Variants in CSGALNACT2 observed in about 807,000 individuals in gnomAD.
The protein encoded by CSGALNACT2 is beta 4 GalNAcT-2.
A neutral mutation model predicts 55.3 loss-of-function variants in CSGALNACT2; 35 were observed. That is an observed-to-expected ratio of 0.63 (90% CI 0.48 to 0.84). CSGALNACT2 has a LOEUF of 0.84. Among genes scored for constraint, CSGALNACT2 ranks in the 40% least tolerant of loss-of-function variants. The probability of loss-of-function intolerance (pLI) is 0.00; values close to 1 mark genes in which losing one functional copy is unlikely to be tolerated. For synonymous variants in CSGALNACT2, 196 were observed against 224.9 expected (o/e 0.87, Z 1.15); for missense variants, 544 against 657.5 (o/e 0.83, Z 1.89).
At chr10:43,145,594 A>T (rs1260309541) in intron 1 of CSGALNACT2, among the ~76,000 whole-genome samples, 1 of 151,672 alleles carries the variant, frequency 6.6e-6, no homozygotes, top group Non-Finnish European at 1.5e-5. Flanking sequence ...TTTCTTATAG[A>T]GGCAAGGTCT....
intron 2 of CSGALNACT2, among the ~76,000 whole-genome samples, chr10:43,157,580 T>C (rs1243642611): frequency 2.0e-5 from 3 of 152,176 alleles, no homozygotes; most frequent in Non-Finnish European, 4.4e-5. Flanking sequence ...GTATGTGGCA[T>C]TGCCCATTTC....
rs761018259 is a variant in CSGALNACT2 at position 43,176,004 on chromosome 10, T to G, written c.1308T>G (p.Cys436Trp). Residue 436 changes from cysteine to tryptophan, a missense_variant, in exon 7 of 8, where the codon TGT becomes TGG. Cys to Trp is a radical substitution (Grantham distance 215, BLOSUM62 -2). This residue lies in a region of CSGALNACT2 where 170 missense variants were observed against 256.2 expected (regional missense o/e 0.66). Coordinates refer to ENST00000374466, the MANE Select transcript of CSGALNACT2 (RefSeq NM_018590.5). ...FWRDFGFGMTCQYRSDFLTIG... is the reference protein window; with the variant it reads ...FWRDFGFGMTWQYRSDFLTIG... ...GAGATTTTGGCTTTGGAATGACTTG[T>G]CAGTATCGTTCAGATTTCCTGACCA... 6.2e-7 allele frequency: 1 copy of G among 1,610,872 alleles called. No homozygotes were observed. The highest frequency in any genetic ancestry group is 2.2e-5 in the East Asian group (1 of 44,802).
intron 6 of CSGALNACT2, among the ~76,000 whole-genome samples, chr10:43,171,998 A>C (rs1839391560): frequency 1.3e-5 from 2 of 152,212 alleles, no homozygotes; most frequent in African/African-American, 4.8e-5. Flanking sequence ...CTGCTTTTAA[A>C]AAGCAAAGCC....
At chr10:43,149,320 C>T (rs188594010) in intron 1 of CSGALNACT2, among the ~76,000 whole-genome samples, 25 of 152,244 alleles carry the variant, frequency 1.6e-4, no homozygotes, top group Admixed American at 1.2e-3. Flanking sequence ...CTCCTGACCT[C>T]GTGGGATCTG....
In CSGALNACT2 at chr10:43,155,256, C is replaced by T. The variant is rs1183173383; in HGVS notation, c.107C>T (p.Pro36Leu). The T allele has an allele frequency of 1.9e-6, 3 of 1,613,954 alleles. No individual in the cohort carries two copies. The highest frequency in any genetic ancestry group is 1.7e-5 in the Admixed American group (1 of 59,998). ...TTTATGTACCTCCTGGAATGTGCCC[C>T]CCAGACTGATGGAAATGCATCTCTT... ...VLFMYLLECA[P>L]QTDGNASLPG... The change falls in exon 2 of 8, where the codon CCC becomes CTC. Residue 36 changes from proline to leucine, a missense_variant. Pro to Leu is a moderately conservative substitution (Grantham distance 98). Transcript: ENST00000374466.
chr10:43,183,045 AACCTTG>A (rs1839620825), intron 7 of CSGALNACT2, among the ~76,000 whole-genome samples, 199 bp from the exon 8 acceptor site: 1 of 152,180 alleles, frequency 6.6e-6, no homozygotes, highest in African/African-American at 2.4e-5. Flanking sequence ...GTCAACAACC[AACCTTG>A]AGCTCCTTGA....
At chr10:43,155,961 GTAT>G in intron 2 of CSGALNACT2, 151 bp downstream of exon 2, 1 of 766,084 alleles carries the variant, frequency 1.3e-6, no homozygotes, top group Non-Finnish European at 2.0e-6. Flanking sequence ...ATTATCCACA[GTAT>G]TAAAACACTG....
intron 4 of CSGALNACT2, chr10:43,162,770 C>G: frequency 1.1e-6 from 1 of 912,634 alleles, no homozygotes; most frequent in Non-Finnish European, 1.3e-6. Context: ...CTCTCCAGCC[C>G]TAGCATCTGA....
At chr10:43,174,886 C>T (rs1214607674) in intron 6 of CSGALNACT2, among the ~76,000 whole-genome samples, 3 of 152,222 alleles carry the variant, frequency 2.0e-5, no homozygotes, top group Admixed American at 6.5e-5. Flanking sequence ...AAAGATTAAA[C>T]ACTTGTTGAA....
intron 2 of CSGALNACT2, among the ~76,000 whole-genome samples, chr10:43,156,128 T>G (rs1839002910): frequency 6.6e-6 from 1 of 152,342 alleles, no homozygotes; most frequent in Non-Finnish European, 1.5e-5. Context: ...TACCTGATCT[T>G]GGTGTTCTTT....
Position 43,155,507 on chromosome 10 carries a change from CT to C in CSGALNACT2, c.362del (p.Leu121Ter). On this transcript the variant is annotated frameshift_variant, in exon 2 of 8. Transcript: ENST00000374466. LOFTEE classifies it high-confidence loss of function. ...CAACAAAGAGCAAGCACCTAGTGAT[CT>C]TTTAGAGTTTCTTCATTCCCAAATT... ...QSNKEQAPSDLLEFLHSQIDK... is the reference protein window; with the variant it reads ...QSNKEQAPSDXLEFLHSQIDK... 1.2e-6 allele frequency: 2 copies of C among 1,614,218 alleles called. No individual in the cohort carries two copies. The highest frequency in any genetic ancestry group is 1.7e-6 in the Non-Finnish European group (2 of 1,180,040).
chr10:43,150,054 C>G (rs3004211), intron 1 of CSGALNACT2, among the ~76,000 whole-genome samples: 1 of 152,062 alleles, frequency 6.6e-6, no homozygotes, highest in Non-Finnish European at 1.5e-5. Context: ...GCAACAAGAG[C>G]GAAACTCTGT....
chr10:43,144,407 C>A (rs556021728), intron 1 of CSGALNACT2, among the ~76,000 whole-genome samples: 9 of 152,210 alleles, frequency 5.9e-5, no homozygotes, highest in Non-Finnish European at 8.8e-5. Context: ...CTGTTGTCTC[C>A]AAGTCACAAG....
chr10:43,160,528 C>T lies in CSGALNACT2; in HGVS notation c.913C>T (p.Leu305Phe), dbSNP rs1293920977. ...VCIHQDKKIH[L>F]TVVYFGKEGL... is the part of the protein sequence containing the mutation. ...TATTCATCAAGACAAGAAGATTCATCTCACAGTGGTGTATTTTGGTAAAGA... is the reference window on the plus strand; with the variant it reads ...TATTCATCAAGACAAGAAGATTCATTTCACAGTGGTGTATTTTGGTAAAGA... Residue 305 changes from leucine (L) to phenylalanine (F), a missense_variant, in exon 4 of 8, where the codon CTC becomes TTC. Coordinates refer to ENST00000374466, the MANE Select transcript of CSGALNACT2 (RefSeq NM_018590.5). The T allele has an allele frequency of 7.6e-6, 12 of 1,587,748 alleles. No individual in the cohort carries two copies. Among genetic ancestry groups the T allele is most frequent in the Non-Finnish European group, 1.0e-5 (12 of 1,157,714 alleles).
At chr10:43,141,385 T>G (rs1191945629) in intron 1 of CSGALNACT2, among the ~76,000 whole-genome samples, 3 of 98,226 alleles carry the variant, frequency 3.1e-5, no homozygotes, top group African/African-American at 4.5e-5. Flanking sequence ...GCCCGGCTAA[T>G]TTTTGTATTT....
At chr10:43,168,902 G>A (rs1839327057) in intron 6 of CSGALNACT2, among the ~76,000 whole-genome samples, 1 of 152,212 alleles carries the variant, frequency 6.6e-6, no homozygotes, top group South Asian at 2.1e-4. Flanking sequence ...ATAGCAGTTA[G>A]CGTAAGATTT....
rs778065650 is a variant in CSGALNACT2 at position 43,155,623 on chromosome 10, A to G, written c.474A>G (p.Gln158=). ...FESFTLMKVF[Q]LEMGLTRHPE... ...GTTTTACCTTAATGAAAGTATTTCA[A>G]TTGGAAATGGGTCTCACTCGCCATC... is the stretch of plus-strand genomic sequence containing the variant. Residue 158 remains glutamine (Q), a synonymous_variant, in exon 2 of 8, where the codon CAA becomes CAG. Transcript: ENST00000374466. 21 of 1,614,078 alleles carry G rather than the reference A, an allele frequency of 1.3e-5. No homozygotes were observed. The highest frequency in any genetic ancestry group is 8.9e-5 in the East Asian group (4 of 44,898).
rs553762127 is a variant in CSGALNACT2, at chr10:43,153,279, G to A, written c.-253-1618G>A. ...GAACCCAGGAGGCGGAGCTTGCAGC[G>A]AGCCAAGATCGCGCCACTGCACTGC... On this transcript the variant is annotated intron_variant, in intron 1 of 7. Transcript: ENST00000374466. Among the ~76,000 whole-genome samples, 3 of 142,842 alleles carry A rather than the reference G, an allele frequency of 2.1e-5. No individual in the cohort carries two copies. The South Asian group carries it at 6.7e-4, about 32-fold the overall frequency. The allele number at this position is 142,842 out of a possible 152,430, so 93.7% of individuals were successfully genotyped here.
At chr10:43,164,174 G>T in intron 5 of CSGALNACT2, 130 bp downstream of exon 5, 5 of 697,898 alleles carry the variant, frequency 7.2e-6, no homozygotes, top group Non-Finnish European at 1.1e-5. Flanking sequence ...AGTTATATTA[G>T]GCATAATTTA....
Sources: allele counts gnomAD v4.1 joint callset (sites outside exome capture counted in the v4.1 genomes callset), GRCh38; gene constraint gnomAD v4.1.1; regional missense constraint gnomAD v4.1.1; transcripts MANE v1.5; gene names NCBI Gene and HGNC (gene_info 2026-07-23, HGNC 2026-07-21).